CSN2: variants seen among roughly 807,000 people sequenced by gnomAD.
The protein encoded by CSN2 is beta-casein.
Under a neutral mutation model 27.3 loss-of-function variants are expected in CSN2, and 27 were observed. That is an observed-to-expected ratio of 0.99 (90% CI 0.73 to 1.36). The LOEUF is 1.36. Ranked by LOEUF, CSN2 falls within the 40% of genes most tolerant of loss-of-function variation. CSN2 has a pLI of 0.00. For missense variants in CSN2, 333 were observed against 264.5 expected (o/e 1.26, Z -1.80); for synonymous variants, 131 against 94.8 (o/e 1.38, Z -2.22).
intron 1 of CSN2, among the ~76,000 whole-genome samples, chr4:69,962,169 T>C (rs574298927): frequency 6.6e-6 from 1 of 152,242 alleles, no homozygotes; most frequent in Admixed American, 6.5e-5. Context: ...CAAGGTAATT[T>C]ATAGATTCAA....
chr4:69,960,137 C>T (rs1723527025), intron 2 of CSN2, 58 bp from the exon 3 acceptor site: 3 of 1,486,818 alleles, frequency 2.0e-6, no homozygotes, highest in Non-Finnish European at 2.8e-6. Context: ...GAGAATTTTA[C>T]TATTTTATGG....
intron 2 of CSN2, 122 bp downstream of exon 2, chr4:69,960,823 A>G: frequency 2.6e-6 from 2 of 780,670 alleles, no homozygotes; most frequent in East Asian, 2.7e-5. Flanking sequence ...AGAAGCCAAG[A>G]GAATTCTCAT....
At position 69,960,979 on chromosome 4, in the gene CSN2, A is replaced by G. The variant is rs778827215; in HGVS notation, c.17T>C (p.Leu6Pro). 2 of 1,612,984 alleles carry G rather than the reference A, an allele frequency of 1.2e-6. No individual in the cohort carries two copies. The highest frequency in any genetic ancestry group is 2.2e-5 in the South Asian group (2 of 91,026). Residue 6 changes from leucine (L) to proline (P), a missense_variant, in exon 2 of 8, where the codon CTC becomes CCC. Coordinates refer to ENST00000353151, the MANE Select transcript of CSN2 (RefSeq NM_001891.4). ...AAGAGCAAGAGCCACCAGGCAGGCG[A>G]GGATGAGGACCTTCATGGCTACTAA... MKVLI[L>P]ACLVALALAR...
chr4:69,959,105 T>G, intron 3 of CSN2, 36 bp from the exon 4 acceptor site: 1 of 1,219,772 alleles, frequency 8.2e-7, no homozygotes, highest in Non-Finnish European at 1.1e-6. Flanking sequence ...AGGTTTAGTT[T>G]TAACAATTCT....
rs1723449488 is a variant in CSN2 at position 69,957,656 on chromosome 4, AT to A, written c.292del (p.Ile98Ter). ...GTCTTTAGCTTTAGGGACTTCCATT[AT>A]TTCAGGCTGAGGGACAGGCAGCACC... Reference protein sequence around the residue: ...AVVLPVPQPEIMEVPKAKDTV... With the variant: ...AVVLPVPQPEXMEVPKAKDTV... On this transcript the variant is annotated frameshift_variant, in exon 6 of 8. Coordinates refer to ENST00000353151, the MANE Select transcript of CSN2 (RefSeq NM_001891.4). LOFTEE classifies it high-confidence loss of function. The A allele has an allele frequency of 6.2e-7, 1 of 1,613,762 alleles. No individual in the cohort carries two copies. The highest frequency in any genetic ancestry group is 1.1e-5 in the South Asian group (1 of 91,072).
At position 69,960,056 on chromosome 4, in the gene CSN2, A is replaced by G; in HGVS notation, c.75T>C (p.Ser25=). 2 of 1,611,748 alleles carry G rather than the reference A, an allele frequency of 1.2e-6. No homozygotes were observed. Among genetic ancestry groups the G allele is most frequent in the Non-Finnish European group, 1.7e-6 (2 of 1,178,632 alleles). ...ATTGGGTAGAATGTTAACTTACCTC[A>G]CTGCTTGAAAGGCTTTCTATGGTCT... ...ARETIESLSS[S]EESITEYKQK... The change falls in exon 3 of 8, where the codon AGT becomes AGC. Residue 25 remains serine (S), a synonymous_variant. Coordinates refer to ENST00000353151, the MANE Select transcript of CSN2 (RefSeq NM_001891.4).
Position 69,957,663 on chromosome 4 carries a change from G to T in CSN2, c.286C>A (p.Pro96Thr), listed in dbSNP as rs1723449729. 1 of 1,613,948 alleles carries T rather than the reference G, an allele frequency of 6.2e-7. No individual in the cohort carries two copies. Among genetic ancestry groups the T allele is most frequent in the Non-Finnish European group, 8.5e-7 (1 of 1,179,984 alleles). The change falls in exon 6 of 8, where the codon CCT becomes ACT. Residue 96 changes from proline (P) to threonine (T), a missense_variant. Physicochemically the swap from Pro to Thr is conservative, Grantham distance 38. Coordinates refer to ENST00000353151, the MANE Select transcript of CSN2 (RefSeq NM_001891.4). ...QPAVVLPVPQ[P>T]EIMEVPKAKD... ...GCTTTAGGGACTTCCATTATTTCAG[G>T]CTGAGGGACAGGCAGCACCACAGCA...
intron 7 of CSN2, among the ~76,000 whole-genome samples, chr4:69,955,975 C>G (rs913432449): frequency 5.9e-5 from 9 of 151,938 alleles, no homozygotes; most frequent in Non-Finnish European, 1.2e-4. Context: ...TGCAAATAGG[C>G]TTTTGACAAA....
chr4:69,959,680 A>C (rs1173622816), intron 3 of CSN2, among the ~76,000 whole-genome samples: 1 of 152,100 alleles, frequency 6.6e-6, no homozygotes, highest in Non-Finnish European at 1.5e-5. Flanking sequence ...GCTCTTAACT[A>C]TCACTGGCAT....
chr4:69,957,214 T>C (rs1723424669), intron 6 of CSN2, 60 bp downstream of exon 6: 1 of 1,421,008 alleles, frequency 7.0e-7, no homozygotes, highest in African/African-American at 1.4e-5. Flanking sequence ...TTTATTCTTT[T>C]ATTCTACCAT....
rs181359522 is a variant in CSN2 at position 69,958,102 on chromosome 4, G to T, written c.145-298C>A. Among the ~76,000 whole-genome samples the T allele has an allele frequency of 2.0e-5, 3 of 152,292 alleles. No individual in the cohort carries two copies. The East Asian group carries it at 5.8e-4, about 29-fold the overall frequency. ...TTCCTGAATTGCCTGGATAGCTGTA[G>T]CTGTACACTTTGGTCTTCAGAGAGA... On this transcript the variant is annotated intron_variant, in intron 5 of 7. Coordinates refer to ENST00000353151, the MANE Select transcript of CSN2 (RefSeq NM_001891.4).
chr4:69,965,077 C>T (rs1723751274), intron 1 of CSN2, among the ~76,000 whole-genome samples: 1 of 151,118 alleles, frequency 6.6e-6, no homozygotes. Context: ...GTATTTCTGT[C>T]TCATTTTAAT....
chr4:69,955,864 T>C (rs1457807740), intron 7 of CSN2, among the ~76,000 whole-genome samples: 4 of 152,076 alleles, frequency 2.6e-5, no homozygotes, highest in Non-Finnish European at 5.9e-5. Flanking sequence ...TTCTCTCCTC[T>C]TTTTAACCTT....
intron 1 of CSN2, among the ~76,000 whole-genome samples, chr4:69,963,901 C>T (rs1342189576): frequency 6.6e-6 from 1 of 152,116 alleles, no homozygotes; most frequent in Non-Finnish European, 1.5e-5. Flanking sequence ...AGCCTCAGTT[C>T]TACTGGAAGA....
At chr4:69,963,612 G>T (rs1023725681) in intron 1 of CSN2, among the ~76,000 whole-genome samples, 3 of 152,196 alleles carry the variant, frequency 2.0e-5, no homozygotes, top group Admixed American at 6.5e-5. Flanking sequence ...GGGAGGGATA[G>T]CATTAGGAGA....
At chr4:69,956,381 A>G in intron 6 of CSN2, 26 bp from the exon 7 acceptor site, 1 of 1,362,736 alleles carries the variant, frequency 7.3e-7, no homozygotes, top group Non-Finnish European at 9.7e-7. Context: ...ATACAAATAA[A>G]TAAATAACCT....
chr4:69,963,257 A>C (rs529797208), intron 1 of CSN2, among the ~76,000 whole-genome samples: 496 of 152,092 alleles, frequency 3.3e-3, no homozygotes, highest in Non-Finnish European at 5.4e-3. Flanking sequence ...AAGGATTATA[A>C]ATCATGCTGC....
intron 3 of CSN2, among the ~76,000 whole-genome samples, chr4:69,959,611 G>T (rs1723506756): frequency 6.6e-6 from 1 of 152,050 alleles, no homozygotes; most frequent in East Asian, 1.9e-4. Context: ...TTACTAAAGT[G>T]GCTATTGTAA....
At chr4:69,962,733 AT>A (rs1309451520) in intron 1 of CSN2, among the ~76,000 whole-genome samples, 1 of 152,184 alleles carries the variant, frequency 6.6e-6, no homozygotes, top group Non-Finnish European at 1.5e-5. Context: ...AAATTGACAA[AT>A]GGGATCTAAT....
Sources: gnomAD v4.1 joint callset for allele counts (sites outside exome capture counted in the v4.1 genomes callset) on GRCh38, gnomAD v4.1.1 for gene constraint, MANE v1.5 for transcripts, NCBI Gene and HGNC (gene_info 2026-07-23, HGNC 2026-07-21) for gene names.